The following AKAP10 variants were observed in gnomAD, a reference collection of about 807,000 sequenced individuals.
AKAP10 encodes A-kinase anchoring protein 10.
In AKAP10, 24 loss-of-function variants were observed where a neutral mutation model predicts 80.8. The observed-to-expected ratio is 0.30, with a 90% CI of 0.22 to 0.42. The LOEUF is 0.42. Among genes scored for constraint, AKAP10 ranks in the 10% least tolerant of loss-of-function variants. The pLI is 1.00. For missense variants in AKAP10, 661 were observed against 794.9 expected (o/e 0.83, Z 2.03); for synonymous variants, 291 against 277.7 (o/e 1.05, Z -0.48).
Position 19,977,784 on chromosome 17 carries a change from G to A in AKAP10, c.-105C>T, listed in dbSNP as rs972552233. On this transcript the variant is annotated 5_prime_UTR_variant, in exon 1 of 15. Coordinates refer to ENST00000225737, the MANE Select transcript of AKAP10 (RefSeq NM_007202.4). ...CCCACCGCCTCCTCGGGATGCCCAGGCAGCTCCAGCCGCCATATTATCAAC... is the reference window on the plus strand; with the variant it reads ...CCCACCGCCTCCTCGGGATGCCCAGACAGCTCCAGCCGCCATATTATCAAC... 4 of 630,076 alleles carry A rather than the reference G, an allele frequency of 6.3e-6. No homozygotes were observed. The highest frequency in any genetic ancestry group is 3.8e-5 in the African/African-American group (2 of 52,868). The allele number at this position is 630,076 out of a possible 1,614,324, so 39.0% of individuals were successfully genotyped here.
rs3031068 is a variant in AKAP10, at chr17:19,910,325, C to CAAAAA, written c.1835-352_1835-348dup. Among the ~76,000 whole-genome samples, 73 of 90,656 alleles carry CAAAAA rather than the reference C, an allele frequency of 8.1e-4. 1 individual carries two copies. Among genetic ancestry groups the CAAAAA allele is most frequent in the African/African-American group, 2.7e-3 (66 of 24,110 alleles). 59.5% of individuals were successfully genotyped at this position (90,656 alleles called of 152,430 possible). A position where few individuals can be genotyped will look rare whatever the true frequency, so the allele number is the denominator to read the frequency against. ...TGGGCAACAGAGCGAGACTCCAACT[C>CAAAAA]AAAAAAAAAAAAAAAAACCACTATC... On this transcript the variant is annotated intron_variant, in intron 12 of 14. Transcript: ENST00000225737.
At chr17:19,932,765 C>T (rs2042949829) in intron 9 of AKAP10, among the ~76,000 whole-genome samples, 1 of 151,596 alleles carries the variant, frequency 6.6e-6, no homozygotes. Context: ...CAATCACTAG[C>T]AATATATCAA....
At chr17:19,957,627 A>C (rs1159686184) in intron 4 of AKAP10, among the ~76,000 whole-genome samples, 5 of 152,208 alleles carry the variant, frequency 3.3e-5, no homozygotes, top group Non-Finnish European at 7.3e-5. Context: ...GAACTTAATA[A>C]ATGTCACTTA....
chr17:19,951,706 T>TA (rs1286375744), intron 4 of AKAP10, among the ~76,000 whole-genome samples: 1 of 152,016 alleles, frequency 6.6e-6, no homozygotes, highest in Non-Finnish European at 1.5e-5. Flanking sequence ...GCATGCTCGT[T>TA]AAGAGTCATC....
chr17:19,907,032 TTTGAGACGGAG>T, intron 14 of AKAP10, among the ~76,000 whole-genome samples: 1 of 152,172 alleles, frequency 6.6e-6, no homozygotes, highest in South Asian at 2.1e-4. Context: ...TTGTTTTTTT[TTTGAGACGGAG>T]TTTCACTCTT....
intron 1 of AKAP10, among the ~76,000 whole-genome samples, chr17:19,974,287 T>C (rs904759544): frequency 4.6e-5 from 7 of 152,206 alleles, no homozygotes; most frequent in South Asian, 2.1e-4. Context: ...ATTTTAGATA[T>C]TGTAAGTTGA....
chr17:19,916,541 A>T (rs1318524283), intron 12 of AKAP10, among the ~76,000 whole-genome samples: 1 of 152,124 alleles, frequency 6.6e-6, no homozygotes, highest in African/African-American at 2.4e-5. Flanking sequence ...GAAACTGCAA[A>T]CACCGAACAC....
intron 3 of AKAP10, among the ~76,000 whole-genome samples, chr17:19,960,813 G>A (rs1347043348): frequency 6.8e-5 from 10 of 147,956 alleles, no homozygotes; most frequent in African/African-American, 2.5e-4. Flanking sequence ...ATCACCTGAG[G>A]TCAGGAGTTC....
rs1244827505 is a variant in AKAP10, at chr17:19,935,259, TA to T, written c.1467+1026del. Among the ~76,000 whole-genome samples the T allele has an allele frequency of 5.3e-5, 8 of 152,160 alleles. No homozygotes were observed. The South Asian group carries it at 1.7e-3, about 32-fold the overall frequency. On this transcript the variant is annotated intron_variant, in intron 9 of 14. Transcript: ENST00000225737. ...AAACACAAATACAGAAAAGGCACAG[TA>T]AAAATACAGTATAAAAGATAAAAAA... is the stretch of plus-strand genomic sequence containing the variant.
intron 9 of AKAP10, 76 bp from the exon 10 acceptor site, chr17:19,932,054 C>A: frequency 7.5e-7 from 1 of 1,329,184 alleles, no homozygotes; most frequent in Admixed American, 2.5e-5. Context: ...ATAAATTTTA[C>A]CTATAATTCT....
In AKAP10 at chr17:19,920,040, T is replaced by C. The variant is rs750411298; in HGVS notation, c.1830A>G (p.Ser610=). ...ESEPEPDVRK[S]KGSMFSQAMK... ...AAGTATAAAAACACCACAAACCTTT[T>C]GATTTCCTTACATCAGGTTCAGGCT... Residue 610 remains serine (S), a synonymous_variant, in exon 12 of 15, where the codon TCA becomes TCG. Coordinates refer to ENST00000225737, the MANE Select transcript of AKAP10 (RefSeq NM_007202.4). 6.2e-7 allele frequency: 1 copy of C among 1,611,734 alleles called. No homozygotes were observed. The highest frequency in any genetic ancestry group is 1.3e-5 in the African/African-American group (1 of 74,988).
intron 14 of AKAP10, among the ~76,000 whole-genome samples, 185 bp downstream of exon 14, chr17:19,908,996 C>T (rs1354749465): frequency 1.3e-5 from 2 of 152,170 alleles, no homozygotes. Flanking sequence ...CCCTGTATTG[C>T]CCATTGTCCA....
At chr17:19,914,158 C>A (rs963399478) in intron 12 of AKAP10, among the ~76,000 whole-genome samples, 1 of 152,082 alleles carries the variant, frequency 6.6e-6, no homozygotes, top group Non-Finnish European at 1.5e-5. Flanking sequence ...TGCCACCATG[C>A]CCAGCTAATT....
chr17:19,953,432 GAAAAC>G (rs1202660603), intron 4 of AKAP10, among the ~76,000 whole-genome samples: 9 of 151,000 alleles, frequency 6.0e-5, no homozygotes, highest in African/African-American at 1.9e-4. Context: ...CAATAAAATT[GAAAAC>G]AAAACAACAG....
intron 4 of AKAP10, 39 bp from the exon 5 acceptor site, chr17:19,947,544 A>G (rs763036664): frequency 3.0e-6 from 4 of 1,342,568 alleles, no homozygotes; most frequent in Middle Eastern, 3.6e-4. Flanking sequence ...CCAAAAAGCA[A>G]CTTGGACTCC....
chr17:19,965,571 A>G lies in AKAP10; in HGVS notation c.137-2549T>C, dbSNP rs148175861. On this transcript the variant is annotated intron_variant, in intron 2 of 14. Transcript: ENST00000225737. ...TACTTGTCTGAAGGCCCCTTTGCCC[A>G]ATATATCCTCAAATAAGAAGCTGGG... Among the ~76,000 whole-genome samples the G allele has an allele frequency of 6.6e-5, 10 of 152,316 alleles. No homozygotes were observed. In the South Asian group the frequency reaches 1.2e-3, roughly 19 times the overall value.
chr17:19,929,108 C>T (rs747773898), intron 10 of AKAP10, among the ~76,000 whole-genome samples: 1 of 152,110 alleles, frequency 6.6e-6, no homozygotes, highest in African/African-American at 2.4e-5. Flanking sequence ...AACAAAAGAC[C>T]ACATAATATA....
intron 3 of AKAP10, among the ~76,000 whole-genome samples, chr17:19,959,497 T>C (rs2043323548): frequency 6.6e-6 from 1 of 152,228 alleles, no homozygotes; most frequent in African/African-American, 2.4e-5. Flanking sequence ...ATTGTGGATA[T>C]ATCTACAAAG....
At chr17:19,975,598 G>A (rs1056325068) in intron 1 of AKAP10, among the ~76,000 whole-genome samples, 8 of 152,086 alleles carry the variant, frequency 5.3e-5, no homozygotes, top group African/African-American at 1.9e-4. Flanking sequence ...TACTCAACTT[G>A]TAAGTATACA....
Sources: allele counts gnomAD v4.1 joint callset (sites outside exome capture counted in the v4.1 genomes callset), GRCh38; gene constraint gnomAD v4.1.1; transcripts MANE v1.5; gene names NCBI Gene and HGNC (gene_info 2026-07-23, HGNC 2026-07-21).